Variants in ZNF579 observed in about 807,000 individuals in gnomAD.
ZNF579 encodes the protein zinc finger protein 579.
A neutral mutation model predicts 5.7 loss-of-function variants in ZNF579; 3 were observed. That is an observed-to-expected ratio of 0.53 (90% CI 0.24 to 1.36). The LOEUF is 1.36. Ranked by LOEUF, ZNF579 falls within the 40% of genes most tolerant of loss-of-function variation. The pLI is 0.16. For missense variants in ZNF579, 679 were observed against 877.6 expected, an observed-to-expected ratio of 0.77 and a Z score of 2.86; for synonymous variants, 454 against 409.0, an observed-to-expected ratio of 1.11 and a Z score of -1.33.
At position 55,578,577 on chromosome 19, in the gene ZNF579, C is replaced by G. The variant is rs1456887089; in HGVS notation, c.1063G>C (p.Ala355Pro). 1 of 1,454,216 alleles carries G rather than the reference C, an allele frequency of 6.9e-7. No individual in the cohort carries two copies. Among genetic ancestry groups the G allele is most frequent in the Non-Finnish European group, 9.0e-7 (1 of 1,111,900 alleles). The allele number at this position is 1,454,216 out of a possible 1,614,324, so 90.1% of individuals were successfully genotyped here. ...SAKGPEGGEG[A>P]ECGGASEGGE... ...CCTTCCGAGGCACCCCCGCACTCCGCCCCCTCGCCCCCCTCCGGCCCCTTG... is the reference window on the plus strand; with the variant it reads ...CCTTCCGAGGCACCCCCGCACTCCGGCCCCTCGCCCCCCTCCGGCCCCTTG... Residue 355 changes from alanine to proline, a missense_variant, in exon 2 of 2, where the codon GCG (alanine) becomes CCG (proline). Physicochemically the swap from Ala to Pro is conservative, Grantham distance 27. This residue lies in a region of ZNF579 where 114 missense variants were observed against 98.9 expected (regional missense o/e 1.15). Transcript: ENST00000325421.
chr19:55,580,599 G>T (rs1354839140), intron 1 of ZNF579, among the ~76,000 whole-genome samples, 196 bp downstream of exon 1: 1 of 151,386 alleles, frequency 6.6e-6, no homozygotes, highest in African/African-American at 2.4e-5. Context: ...GCGACTGAGG[G>T]CCGGACCCCT....
chr19:55,578,563 AC>A lies in ZNF579; in HGVS notation c.1076del (p.Gly359ValfsTer46). 4 of 1,430,168 alleles carry A rather than the reference AC, an allele frequency of 2.8e-6. No homozygotes were observed. The highest frequency in any genetic ancestry group is 3.6e-6 in the Non-Finnish European group (4 of 1,100,214). 88.6% of individuals were successfully genotyped at this position (1,430,168 alleles called of 1,614,324 possible). A position where few individuals can be genotyped will look rare whatever the true frequency, so the allele number is the denominator to read the frequency against. The part of the protein sequence containing the change: ...PEGGEGAECG[G>X]ASEGGEGQNG... ...TCTGCCCTTCTCCCCCTTCCGAGGC[AC>A]CCCCGCACTCCGCCCCCTCGCCCCC... On this transcript the variant is annotated frameshift_variant, in exon 2 of 2. Coordinates refer to ENST00000325421, the MANE Select transcript of ZNF579 (RefSeq NM_152600.3). LOFTEE classifies it low-confidence loss of function (END_TRUNC).
At chr19:55,580,636 T>G in intron 1 of ZNF579, among the ~76,000 whole-genome samples, 159 bp downstream of exon 1, 1 of 145,810 alleles carries the variant, frequency 6.9e-6, no homozygotes, top group Non-Finnish European at 1.5e-5. Context: ...CTGGTGGGGG[T>G]CGGGGGTCCC....
rs532860043 is a variant in ZNF579 at position 55,579,097 on chromosome 19, C to T, written c.543G>A (p.Thr181=). 848 of 1,527,874 alleles carry T rather than the reference C, an allele frequency of 5.6e-4. No homozygotes were observed. Among genetic ancestry groups the T allele is most frequent in the Non-Finnish European group, 6.8e-4 (775 of 1,143,510 alleles). 94.6% of individuals were successfully genotyped at this position (1,527,874 alleles called of 1,614,324 possible). Residue 181 remains threonine, a synonymous_variant, in exon 2 of 2, where the codon ACG becomes ACA. Transcript: ENST00000325421. The part of the protein sequence containing the change: ...PETWPAGEPS[T]LAAPTSAAEP... ...CCGCGGCGCTGGTGGGCGCAGCCAG[C>T]GTGGAAGGCTCCCCCGCAGGCCACG...
Position 55,578,914 on chromosome 19 carries a change from C to T in ZNF579, c.726G>A (p.Lys242=). 2 of 1,584,480 alleles carry T rather than the reference C, an allele frequency of 1.3e-6. No homozygotes were observed. Among genetic ancestry groups the T allele is most frequent in the Non-Finnish European group, 1.7e-6 (2 of 1,166,574 alleles). Reference sequence around the variant, plus strand: ...GACACGGGTGCGCCTTGAGCTCGCCCTTGGTGGCGAAGGCTTCGCGGCAGC... The same window carrying T: ...GACACGGGTGCGCCTTGAGCTCGCCTTTGGTGGCGAAGGCTTCGCGGCAGC... ...CLRCREAFAT[K]GELKAHPCLR... is the part of the protein sequence containing the mutation. Residue 242 remains lysine, a synonymous_variant, in exon 2 of 2, where the codon AAG becomes AAA. Coordinates refer to ENST00000325421, the MANE Select transcript of ZNF579 (RefSeq NM_152600.3).
In ZNF579 at chr19:55,578,865, C is replaced by G. The variant is rs1047300768; in HGVS notation, c.775G>C (p.Gly259Arg). Reference sequence around the variant, plus strand: ...GGGCGTGGCGGGGGCCCCCCTTCCCCTTCCTGTTCGCCCTCGGGGCGCAGA... The same window carrying G: ...GGGCGTGGCGGGGGCCCCCCTTCCCGTTCCTGTTCGCCCTCGGGGCGCAGA... ...PCLRPEGEQE[G>R]EGGPPPRPKR... Residue 259 changes from glycine (G) to arginine (R), a missense_variant, in exon 2 of 2, where the codon GGG (glycine) becomes CGG (arginine). By Grantham distance (125) the Gly-to-Arg change is moderately radical. Transcript: ENST00000325421. 2.5e-6 allele frequency: 4 copies of G among 1,598,662 alleles called. No homozygotes were observed. The highest frequency in any genetic ancestry group is 3.4e-6 in the Non-Finnish European group (4 of 1,172,466).
At position 55,578,200 on chromosome 19, in the gene ZNF579, G is replaced by A; in HGVS notation, c.1440C>T (p.Ala480=). 1 of 1,480,546 alleles carries A rather than the reference G, an allele frequency of 6.8e-7. No individual in the cohort carries two copies. Among genetic ancestry groups the A allele is most frequent in the Non-Finnish European group, 8.9e-7 (1 of 1,119,306 alleles). The allele number at this position is 1,480,546 out of a possible 1,614,324, so 91.7% of individuals were successfully genotyped here. A position where few individuals can be genotyped will look rare whatever the true frequency, so the allele number is the denominator to read the frequency against. Residue 480 remains alanine (A), a synonymous_variant, in exon 2 of 2, where the codon GCC becomes GCT. Coordinates refer to ENST00000325421, the MANE Select transcript of ZNF579 (RefSeq NM_152600.3). The stretch of plus-strand genomic sequence containing the variant: ...GCGGGGGCGGTGGCGGCGACGTCGG[G>A]GCCTGGGCCTGCAGTGCCTGCAGCG... ...AAALQALQAQ[A]PTSPPPPPPP...
chr19:55,579,808 G>A, intron 1 of ZNF579, 167 bp from the exon 2 acceptor site: 1 of 695,822 alleles, frequency 1.4e-6, no homozygotes, highest in Non-Finnish European at 2.1e-6. Context: ...AGACACCGAG[G>A]GGAGGCCAGA....
At position 55,578,323 on chromosome 19, in the gene ZNF579, G is replaced by A. The variant is rs1979465829; in HGVS notation, c.1317C>T (p.Ala439=). 5.2e-6 allele frequency: 7 copies of A among 1,351,210 alleles called. No individual in the cohort carries two copies. Among genetic ancestry groups the A allele is most frequent in the Non-Finnish European group, 6.6e-6 (7 of 1,058,708 alleles). The allele number at this position is 1,351,210 out of a possible 1,614,324, so 83.7% of individuals were successfully genotyped here. ...RHAQVHAGGP[A]PHPCPRCPRR... is the part of the protein sequence containing the mutation. ...GCGGGCAGCGGGGGCACGGGTGCGG[G>A]GCTGGGCCCCCCGCGTGCACCTGTG... Residue 439 remains alanine, a synonymous_variant, in exon 2 of 2, where the codon GCC becomes GCT. Transcript: ENST00000325421.
Position 55,577,909 on chromosome 19 carries a change from C to A in ZNF579, c.*42G>T. The A allele has an allele frequency of 6.4e-7, 1 of 1,551,318 alleles. No individual in the cohort carries two copies. The highest frequency in any genetic ancestry group is 8.7e-7 in the Non-Finnish European group (1 of 1,149,558). On this transcript the variant is annotated 3_prime_UTR_variant, in exon 2 of 2. Transcript: ENST00000325421. ...AACTTCCCTCCTCCATTCTGCAAAC[C>A]GGGGAGCTCAGGCGGAGCGGCGGAG...
At position 55,579,617 on chromosome 19, in the gene ZNF579, G is replaced by A; in HGVS notation, c.23C>T (p.Pro8Leu). MDPQPPP[P>L]AQGSPPHRGR... ...ACGGTGAGGTGGGCTGCCCTGGGCG[G>A]GTGGAGGAGGCTGCGGATCCATGCC... Residue 8 changes from proline (P) to leucine (L), a missense_variant, in exon 2 of 2, where the codon CCC (proline) becomes CTC (leucine). Physicochemically the swap from Pro to Leu is moderately conservative, Grantham distance 98 (BLOSUM62 -3). Transcript: ENST00000325421. 8 of 1,481,954 alleles carry A rather than the reference G, an allele frequency of 5.4e-6. No homozygotes were observed. The highest frequency in any genetic ancestry group is 6.2e-6 in the Non-Finnish European group (7 of 1,124,326). 91.8% of individuals were successfully genotyped at this position (1,481,954 alleles called of 1,614,324 possible). A position where few individuals can be genotyped will look rare whatever the true frequency, so the allele number is the denominator to read the frequency against.
chr19:55,579,028 T>C lies in ZNF579; in HGVS notation c.612A>G (p.Ala204=). The change falls in exon 2 of 2, where the codon GCA becomes GCG. Residue 204 remains alanine (A), a synonymous_variant. Transcript: ENST00000325421. ...SESEEAEAGA[A]ELRAELALAA... ...CCAGCGCCAGCTCGGCCCTCAGCTC[T>C]GCTGCCCCGGCCTCGGCCTCCTCCG... is the stretch of plus-strand genomic sequence containing the variant. 6.5e-7 allele frequency: 1 copy of C among 1,531,226 alleles called. No homozygotes were observed. The highest frequency in any genetic ancestry group is 8.7e-7 in the Non-Finnish European group (1 of 1,144,950). The allele number at this position is 1,531,226 out of a possible 1,614,324, so 94.9% of individuals were successfully genotyped here. A position where few individuals can be genotyped will look rare whatever the true frequency, so the allele number is the denominator to read the frequency against.
rs1161119581 is a variant in ZNF579, at chr19:55,578,257, G to A, written c.1383C>T (p.Arg461=). Residue 461 remains arginine, a synonymous_variant, in exon 2 of 2, where the codon CGC becomes CGT. Transcript: ENST00000325421. ...CCCTCTCCAGCTCTGCGCGGTGGCAGCGCTGGTGGCGCAGGAGGCTGTAGG... is the reference window on the plus strand; with the variant it reads ...CCCTCTCCAGCTCTGCGCGGTGGCAACGCTGGTGGCGCAGGAGGCTGTAGG... ...SRAYSLLRHQ[R]CHRAELERAA... The A allele has an allele frequency of 1.4e-5, 19 of 1,371,694 alleles. No individual in the cohort carries two copies. The highest frequency in any genetic ancestry group is 1.8e-5 in the Non-Finnish European group (19 of 1,070,912). The allele number at this position is 1,371,694 out of a possible 1,614,324, so 85.0% of individuals were successfully genotyped here. A position where few individuals can be genotyped will look rare whatever the true frequency, so the allele number is the denominator to read the frequency against.
At position 55,578,699 on chromosome 19, in the gene ZNF579, C is replaced by T. The variant is rs768170147; in HGVS notation, c.941G>A (p.Arg314His). 4.4e-6 allele frequency: 7 copies of T among 1,577,166 alleles called. No homozygotes were observed. Among genetic ancestry groups the T allele is most frequent in the Non-Finnish European group, 6.0e-6 (7 of 1,166,910 alleles). Residue 314 changes from arginine (R) to histidine (H), a missense_variant, in exon 2 of 2, where the codon CGC (arginine) becomes CAC (histidine). Around this residue, in one of 6 missense-constraint regions of ZNF579, gnomAD observed 38 missense variants for 70.3 expected, o/e 0.54. Coordinates refer to ENST00000325421, the MANE Select transcript of ZNF579 (RefSeq NM_152600.3). Reference sequence around the variant, plus strand: ...GGGGCCGTGGACGCGGCGGTGCTGGCGGAGGTAGGAGGCGAGGCGGAAGGC... The same window carrying T: ...GGGGCCGTGGACGCGGCGGTGCTGGTGGAGGTAGGAGGCGAGGCGGAAGGC... The part of the protein sequence containing the change: ...GLAFRLASYL[R>H]QHRRVHGPLS...
Position 55,578,353 on chromosome 19 carries a change from G to T in ZNF579, c.1287C>A (p.Arg429=). Residue 429 remains arginine (R), a synonymous_variant, in exon 2 of 2, where the codon CGC becomes CGA. Coordinates refer to ENST00000325421, the MANE Select transcript of ZNF579 (RefSeq NM_152600.3). ...GGCCCCCCGCGTGCACCTGTGCGTG[G>T]CGCGCCAGGTCGGCCAGGCGCTTGA... ...REFKRLADLA[R]HAQVHAGGPA... 1 of 1,435,692 alleles carries T rather than the reference G, an allele frequency of 7.0e-7. No individual in the cohort carries two copies. Among genetic ancestry groups the T allele is most frequent in the Non-Finnish European group, 9.1e-7 (1 of 1,102,622 alleles). 88.9% of individuals were successfully genotyped at this position (1,435,692 alleles called of 1,614,324 possible).
chr19:55,577,270 G>C lies in ZNF579; in HGVS notation c.*681C>G, dbSNP rs534959342. 1 of 154,354 alleles carries C rather than the reference G, an allele frequency of 6.5e-6. No individual in the cohort carries two copies. Among genetic ancestry groups the C allele is most frequent in the African/African-American group, 2.4e-5 (1 of 41,428 alleles). The allele number at this position is 154,354 out of a possible 1,614,324, so 9.6% of individuals were successfully genotyped here. ...GGTAGAGATTGACTGAGTAAGGCGC[G>C]GAGCTTCCACAGGGCAGTGGTGAGG... is the stretch of plus-strand genomic sequence containing the variant. On this transcript the variant is annotated 3_prime_UTR_variant, in exon 2 of 2. Transcript: ENST00000325421.
At position 55,577,679 on chromosome 19, in the gene ZNF579, T is replaced by A; in HGVS notation, c.*272A>T. 1 of 455,988 alleles carries A rather than the reference T, an allele frequency of 2.2e-6. No individual in the cohort carries two copies. The highest frequency in any genetic ancestry group is 2.7e-5 in the South Asian group (1 of 37,586). 28.2% of individuals were successfully genotyped at this position (455,988 alleles called of 1,614,324 possible). A position where few individuals can be genotyped will look rare whatever the true frequency, so the allele number is the denominator to read the frequency against. On this transcript the variant is annotated 3_prime_UTR_variant, in exon 2 of 2. Coordinates refer to ENST00000325421, the MANE Select transcript of ZNF579 (RefSeq NM_152600.3). ...AGGGAGGCGGGGGCGTCCCCACCAG[T>A]CTCCATCCCTCTGGCCAACTGTCCG...
rs1256749105 is a variant in ZNF579 at position 55,577,885 on chromosome 19, A to G, written c.*66T>C. The G allele has an allele frequency of 2.3e-5, 36 of 1,537,452 alleles. No individual in the cohort carries two copies. The highest frequency in any genetic ancestry group is 3.1e-5 in the Non-Finnish European group (35 of 1,144,934). Reference sequence around the variant, plus strand: ...GTAGACAGAGGAGGTGGCTCCTTCAACTTCCCTCCTCCATTCTGCAAACCG... The same window carrying G: ...GTAGACAGAGGAGGTGGCTCCTTCAGCTTCCCTCCTCCATTCTGCAAACCG... On this transcript the variant is annotated 3_prime_UTR_variant, in exon 2 of 2. Coordinates refer to ENST00000325421, the MANE Select transcript of ZNF579 (RefSeq NM_152600.3).
rs1284743438 is a variant in ZNF579, at chr19:55,577,942, C to A, written c.*9G>T. 6.3e-7 allele frequency: 1 copy of A among 1,578,330 alleles called. No individual in the cohort carries two copies. On this transcript the variant is annotated 3_prime_UTR_variant, in exon 2 of 2. Coordinates refer to ENST00000325421, the MANE Select transcript of ZNF579 (RefSeq NM_152600.3). ...TCAGGCGGAGCGGCGGAGGGCAGGG[C>A]GGCGAAGGTCAGGAGGCCAGGCCCC...
Sources: gnomAD v4.1 joint callset for allele counts (sites outside exome capture counted in the v4.1 genomes callset) on GRCh38, gnomAD v4.1.1 for gene constraint, gnomAD v4.1.1 regional missense constraint, MANE v1.5 for transcripts, NCBI Gene and HGNC (gene_info 2026-07-23, HGNC 2026-07-21) for gene names.